Variants in CSMD1 observed in about 807,000 individuals in gnomAD.
The protein encoded by CSMD1 is CUB and sushi domain-containing protein 1.
CSMD1 carries 213 observed loss-of-function variants against 417.5 expected under a neutral mutation model. The observed-to-expected ratio is 0.51, with a 90% confidence interval of 0.46 to 0.57. The LOEUF (loss-of-function observed/expected upper bound fraction) is 0.57. Ranked by LOEUF, CSMD1 falls within the 20% of genes least tolerant of loss-of-function variation. CSMD1 has a pLI of 0.00. For missense variants in CSMD1, 6,923 were observed against 4,529.7 expected, an observed-to-expected ratio of 1.53 and a Z score of -15.17; for synonymous variants, 2,862 against 1,736.8, an observed-to-expected ratio of 1.65 and a Z score of -16.11.
intron 26 of CSMD1, among the ~76,000 whole-genome samples, chr8:3,245,282 G>A (rs1361064347): frequency 6.6e-6 from 1 of 152,128 alleles, no homozygotes; most frequent in African/African-American, 2.4e-5. Flanking sequence ...ACCCTGAGAA[G>A]CACCTCCAGT....
intron 2 of CSMD1, among the ~76,000 whole-genome samples, chr8:4,460,328 C>T (rs746610450): frequency 2.0e-5 from 3 of 151,934 alleles, no homozygotes; most frequent in African/African-American, 4.8e-5. Flanking sequence ...TGAAATGCAA[C>T]TGAAGAATTG....
At chr8:3,339,422 T>C (rs990385062) in intron 23 of CSMD1, among the ~76,000 whole-genome samples, 5 of 152,174 alleles carry the variant, frequency 3.3e-5, no homozygotes, top group Admixed American at 3.3e-4. Context: ...GCTAGCCAGC[T>C]GTCTTTCAAA....
chr8:4,181,110 C>T (rs1798346180), intron 3 of CSMD1, among the ~76,000 whole-genome samples: 1 of 152,002 alleles, frequency 6.6e-6, no homozygotes, highest in East Asian at 1.9e-4. Context: ...CATGATTGAC[C>T]AGCCAATTCC....
chr8:4,712,405 T>C (rs1479214604), intron 1 of CSMD1, among the ~76,000 whole-genome samples: 7 of 152,146 alleles, frequency 4.6e-5, no homozygotes, highest in Admixed American at 1.3e-4. Flanking sequence ...AGGTCAAAAA[T>C]AAAACCAGAA....
intron 3 of CSMD1, among the ~76,000 whole-genome samples, chr8:4,250,871 C>G (rs751792274): frequency 1.1e-4 from 17 of 152,118 alleles, no homozygotes; most frequent in African/African-American, 3.9e-4. Flanking sequence ...ACAGGGTATT[C>G]CTACTACCCT....
chr8:4,550,104 G>C (rs1389678041), intron 2 of CSMD1, among the ~76,000 whole-genome samples: 2 of 151,756 alleles, frequency 1.3e-5, no homozygotes, highest in Non-Finnish European at 2.9e-5. Flanking sequence ...TTGCTCGGTA[G>C]AAACGGACTT....
chr8:3,202,126 C>A (rs1484266486), intron 31 of CSMD1, among the ~76,000 whole-genome samples: 1 of 152,074 alleles, frequency 6.6e-6, no homozygotes, highest in African/African-American at 2.4e-5. Flanking sequence ...TGAGATTGTA[C>A]CACTGCACTC....
At chr8:4,127,854 AT>A (rs1334720536) in intron 3 of CSMD1, among the ~76,000 whole-genome samples, 1 of 152,124 alleles carries the variant, frequency 6.6e-6, no homozygotes, top group Non-Finnish European at 1.5e-5. Context: ...TGTTTTGCAG[AT>A]GAAGAAACCC....
chr8:3,807,786 T>G (rs919301690), intron 5 of CSMD1, among the ~76,000 whole-genome samples: 1 of 152,164 alleles, frequency 6.6e-6, no homozygotes, highest in South Asian at 2.1e-4. Flanking sequence ...GATATCTAGA[T>G]TGTCATTCAG....
chr8:2,943,977 C>A (rs1004874893), intron 68 of CSMD1, among the ~76,000 whole-genome samples: 7 of 152,144 alleles, frequency 4.6e-5, no homozygotes, highest in African/African-American at 1.7e-4. Flanking sequence ...TATCAACACC[C>A]TTTAATTTTC....
chr8:3,615,117 G>T (rs1802072933), intron 8 of CSMD1, among the ~76,000 whole-genome samples: 1 of 152,148 alleles, frequency 6.6e-6, no homozygotes, highest in Non-Finnish European at 1.5e-5. Flanking sequence ...GCATCCTTCT[G>T]TTAGCTGCCA....
At chr8:3,732,280 A>G (rs1796313958) in intron 6 of CSMD1, among the ~76,000 whole-genome samples, 1 of 152,214 alleles carries the variant, frequency 6.6e-6, no homozygotes, top group Non-Finnish European at 1.5e-5. Flanking sequence ...CCTCTTTAGA[A>G]AGGCTTAAAA....
intron 10 of CSMD1, among the ~76,000 whole-genome samples, chr8:3,527,790 T>A (rs1423553474): frequency 6.6e-6 from 1 of 152,162 alleles, no homozygotes; most frequent in Non-Finnish European, 1.5e-5. Context: ...CTGTAAGTAT[T>A]TCAAAATAAA....
intron 7 of CSMD1, among the ~76,000 whole-genome samples, chr8:3,633,655 A>G (rs528210025): frequency 3.3e-5 from 5 of 152,334 alleles, no homozygotes; most frequent in African/African-American, 1.2e-4. Flanking sequence ...ATATTTTTCA[A>G]TCTTAAGACA....
At chr8:4,421,794 C>G (rs2959175) in intron 2 of CSMD1, among the ~76,000 whole-genome samples, 5 of 151,150 alleles carry the variant, frequency 3.3e-5, no homozygotes, top group South Asian at 4.2e-4. Flanking sequence ...ACAAAAAAAA[C>G]TAAAGCAAAC....
At chr8:3,602,310 G>A (rs1584946802) in intron 8 of CSMD1, among the ~76,000 whole-genome samples, 1 of 152,152 alleles carries the variant, frequency 6.6e-6, no homozygotes, top group Non-Finnish European at 1.5e-5. Context: ...CTCTAGGGCA[G>A]ATCAATGAAC....
At chr8:4,005,001 C>T (rs1815995898) in intron 4 of CSMD1, among the ~76,000 whole-genome samples, 1 of 152,146 alleles carries the variant, frequency 6.6e-6, no homozygotes, top group African/African-American at 2.4e-5. Flanking sequence ...GCCTCAGCCT[C>T]CCTAGTGACT....
chr8:3,015,087 A>C (rs1043170620), intron 52 of CSMD1, among the ~76,000 whole-genome samples: 1 of 136,438 alleles, frequency 7.3e-6, no homozygotes, highest in Non-Finnish European at 1.6e-5. Flanking sequence ...AAGTTTTTAA[A>C]AGCTTCTTAA....
At chr8:4,070,796 TC>T (rs1280219818) in intron 3 of CSMD1, among the ~76,000 whole-genome samples, 1 of 152,194 alleles carries the variant, frequency 6.6e-6, no homozygotes, top group African/African-American at 2.4e-5. Context: ...TGTCATAGCT[TC>T]CTCTGATTTT....
Sources: gnomAD v4.1 joint callset for allele counts (sites outside exome capture counted in the v4.1 genomes callset) on GRCh38, gnomAD v4.1.1 for gene constraint, MANE v1.5 for transcripts, NCBI Gene and HGNC (gene_info 2026-07-23, HGNC 2026-07-21) for gene names.